Variants in TEC observed in about 807,000 individuals in gnomAD.
TEC encodes tyrosine-protein kinase Tec.
In TEC, 72 loss-of-function variants were observed where a neutral mutation model predicts 93.0. The ratio of observed to expected loss-of-function variants is 0.77; its 90% confidence interval spans 0.64 to 0.94. The LOEUF (loss-of-function observed/expected upper bound fraction) is 0.94. Among genes scored for constraint, TEC ranks in the 40% least tolerant of loss-of-function variants. The probability of loss-of-function intolerance (pLI) is 0.00; values close to 1 mark genes in which losing one functional copy is unlikely to be tolerated. For synonymous variants in TEC, 249 were observed against 247.7 expected (o/e 1.01, Z -0.05); for missense variants, 630 against 757.9 (o/e 0.83, Z 1.98).
intron 2 of TEC, among the ~76,000 whole-genome samples, chr4:48,213,101 C>T (rs1214101601): frequency 1.3e-5 from 2 of 152,134 alleles, no homozygotes; most frequent in African/African-American, 2.4e-5. Flanking sequence ...ATGTGACTTT[C>T]GTAGTCGCAA....
At chr4:48,145,776 C>G (rs973303273) in intron 12 of TEC, among the ~76,000 whole-genome samples, 197 bp from the exon 13 acceptor site, 2 of 152,166 alleles carry the variant, frequency 1.3e-5, no homozygotes, top group South Asian at 2.1e-4. Context: ...TCCCTTCTAA[C>G]CAACGTGAAA....
chr4:48,152,476 A>G (rs930403503), intron 9 of TEC, among the ~76,000 whole-genome samples: 1 of 151,844 alleles, frequency 6.6e-6, no homozygotes, highest in Non-Finnish European at 1.5e-5. Flanking sequence ...AAATAAATAA[A>G]TACAGTCTAA....
At chr4:48,160,843 G>GGAAGGAAGGA (rs1720617848) in intron 8 of TEC, among the ~76,000 whole-genome samples, 6 of 74,110 alleles carry the variant, frequency 8.1e-5, no homozygotes, top group Non-Finnish European at 1.5e-4. Flanking sequence ...GGGAGGGAGA[G>GGAAGGAAGGA]AGGGAGGGAG....
At chr4:48,213,258 G>A (rs1312973123) in intron 2 of TEC, among the ~76,000 whole-genome samples, 1 of 151,956 alleles carries the variant, frequency 6.6e-6, no homozygotes, top group Non-Finnish European at 1.5e-5. Context: ...TTGCTTACTC[G>A]TTTAATTTTA....
intron 14 of TEC, among the ~76,000 whole-genome samples, chr4:48,143,815 C>T (rs1053599662): frequency 6.6e-6 from 1 of 152,132 alleles, no homozygotes; most frequent in African/African-American, 2.4e-5. Context: ...TCAGTTTCCT[C>T]ATCTGTAAAA....
intron 11 of TEC, among the ~76,000 whole-genome samples, chr4:48,149,000 G>C (rs1191985089): frequency 6.6e-6 from 1 of 152,128 alleles, no homozygotes; most frequent in East Asian, 1.9e-4. Context: ...CAAAGGACAT[G>C]ATCTCATTCT....
rs1560374359 is a variant in TEC at position 48,146,352 on chromosome 4, C to T, written c.1054G>A (p.Ala352Thr). 6.2e-7 allele frequency: 1 copy of T among 1,613,766 alleles called. No homozygotes were observed. ...RYPVSVKGKN[A>T]PTTAGFSYEK... ...TAGCTGAATCCTGCAGTGGTGGGTG[C>T]ATTCTTCCCTTTCACACTAACTGGG... The change falls in exon 12 of 18, where the codon GCA becomes ACA. Residue 352 changes from alanine to threonine, a missense_variant. Ala to Thr is a moderately conservative substitution (Grantham distance 58). This residue lies in a region of TEC where 289 missense variants were observed against 390.0 expected (regional missense o/e 0.74). Coordinates refer to ENST00000381501, the MANE Select transcript of TEC (RefSeq NM_003215.3).
At chr4:48,212,110 A>AAAAAATATATATATAT in intron 2 of TEC, among the ~76,000 whole-genome samples, 17 of 122,246 alleles carry the variant, frequency 1.4e-4, no homozygotes, top group African/African-American at 5.1e-4. Context: ...AAAAAAAAAA[A>AAAAAATATATATATAT]ATATATATAT....
chr4:48,158,573 T>C (rs1720493372), intron 8 of TEC, among the ~76,000 whole-genome samples: 1 of 152,152 alleles, frequency 6.6e-6, no homozygotes, highest in South Asian at 2.1e-4. Flanking sequence ...GCTTTAATTA[T>C]GAATTATAAA....
intron 1 of TEC, among the ~76,000 whole-genome samples, chr4:48,233,405 T>C (rs1401390106): frequency 1.3e-5 from 2 of 151,046 alleles, no homozygotes; most frequent in Admixed American, 1.3e-4. Context: ...CTCAAATTCC[T>C]GGGCATAAGT....
intron 1 of TEC, among the ~76,000 whole-genome samples, chr4:48,241,070 C>CT (rs1352648706): frequency 1.3e-5 from 2 of 152,138 alleles, no homozygotes; most frequent in Non-Finnish European, 2.9e-5. Flanking sequence ...ATGTCATAAT[C>CT]TAACTACTGT....
intron 1 of TEC, among the ~76,000 whole-genome samples, chr4:48,230,017 G>C (rs561698344): frequency 6.6e-5 from 10 of 151,824 alleles, no homozygotes; most frequent in African/African-American, 9.7e-5. Context: ...GGAAGTTTCA[G>C]TGAGCCGAGA....
intron 15 of TEC, among the ~76,000 whole-genome samples, chr4:48,140,390 G>A (rs548005771): frequency 3.9e-5 from 6 of 152,080 alleles, no homozygotes; most frequent in South Asian, 2.1e-4. Flanking sequence ...CTACCTTTTC[G>A]TCTCCAGTCA....
intron 2 of TEC, among the ~76,000 whole-genome samples, chr4:48,178,361 T>A (rs1337324494): frequency 6.6e-6 from 1 of 152,200 alleles, no homozygotes; most frequent in Non-Finnish European, 1.5e-5. Flanking sequence ...GATTTTACCC[T>A]TTTTGCTTTT....
intron 2 of TEC, among the ~76,000 whole-genome samples, chr4:48,210,194 T>TA (rs1190175366): frequency 6.6e-6 from 1 of 152,134 alleles, no homozygotes; most frequent in Non-Finnish European, 1.5e-5. Flanking sequence ...CATAAAAATG[T>TA]AAAGTTGGTC....
chr4:48,202,066 C>G (rs1434135030), intron 2 of TEC, among the ~76,000 whole-genome samples: 1 of 150,202 alleles, frequency 6.7e-6, no homozygotes, highest in African/African-American at 2.5e-5. Context: ...ACGCCATTCT[C>G]CTGCCTCAGC....
chr4:48,215,788 G>A (rs547307396), intron 2 of TEC, among the ~76,000 whole-genome samples: 2 of 152,230 alleles, frequency 1.3e-5, no homozygotes, highest in Admixed American at 1.3e-4. Flanking sequence ...TATAGAATTA[G>A]AGTCCTTATC....
chr4:48,163,845 G>A lies in TEC; in HGVS notation c.672-78C>T, dbSNP rs946044679. On this transcript the variant is annotated intron_variant, in intron 7 of 17. Transcript: ENST00000381501. The stretch of plus-strand genomic sequence containing the variant: ...AAAGAAAGAAAGATTATTGCCTTTT[G>A]AAATAAAGCATGACATTGCTTAAAG... 8 of 781,712 alleles carry A rather than the reference G, an allele frequency of 1.0e-5. No homozygotes were observed. In the Admixed American group the frequency reaches 2.7e-4, roughly 27 times the overall value. The allele number at this position is 781,712 out of a possible 1,614,324, so 48.4% of individuals were successfully genotyped here.
intron 1 of TEC, among the ~76,000 whole-genome samples, chr4:48,240,347 G>A (rs1723893130): frequency 6.6e-6 from 1 of 152,078 alleles, no homozygotes; most frequent in Non-Finnish European, 1.5e-5. Context: ...AGAGAAAGGA[G>A]GGAGGGGGAA....
Sources: allele counts gnomAD v4.1 joint callset (sites outside exome capture counted in the v4.1 genomes callset), GRCh38; gene constraint gnomAD v4.1.1; regional missense constraint gnomAD v4.1.1; transcripts MANE v1.5; gene names NCBI Gene and HGNC (gene_info 2026-07-23, HGNC 2026-07-21).